Variants in DOCK7 observed in about 807,000 individuals in gnomAD.
The protein encoded by DOCK7 is dedicator of cytokinesis 7, also known as dedicator of cytokinesis protein 7.
In DOCK7, 138 loss-of-function variants were observed where a neutral mutation model predicts 271.0. The ratio of observed to expected loss-of-function variants is 0.51; its 90% CI spans 0.44 to 0.59. The LOEUF (loss-of-function observed/expected upper bound fraction) is 0.59. Ranked by LOEUF, DOCK7 falls within the 20% of genes least tolerant of loss-of-function variation. The probability of loss-of-function intolerance (pLI) is 0.00; values close to 1 mark genes in which losing one functional copy is unlikely to be tolerated. For missense variants in DOCK7, 2,066 were observed against 2,592.4 expected (o/e 0.80, Z 4.41); for synonymous variants, 823 against 876.1 (o/e 0.94, Z 1.07).
intron 14 of DOCK7, among the ~76,000 whole-genome samples, chr1:62,593,824 C>T (rs1648823349): frequency 6.6e-6 from 1 of 151,998 alleles, no homozygotes; most frequent in Admixed American, 6.6e-5. Flanking sequence ...ACAATAGGAT[C>T]TTCCTATACA....
rs138806314 is a variant in DOCK7 at position 62,601,282 on chromosome 1, T to A, written c.1683-14658A>T. 21 of 949,154 alleles carry A rather than the reference T, an allele frequency of 2.2e-5. No individual in the cohort carries two copies. The African/African-American group carries it at 3.1e-4, about 14-fold the overall frequency. 58.8% of individuals were successfully genotyped at this position (949,154 alleles called of 1,614,324 possible). A position where few individuals can be genotyped will look rare whatever the true frequency, so the allele number is the denominator to read the frequency against. ...GACTTGTTCTAGACTAAAAGATAGT[T>A]AAGAGATATCCATCAAATACAATGT... On this transcript the variant is annotated intron_variant, in intron 14 of 49. Transcript: ENST00000635253.
intron 2 of DOCK7, among the ~76,000 whole-genome samples, chr1:62,655,399 T>C (rs1289214381): frequency 6.6e-6 from 1 of 151,368 alleles, no homozygotes; most frequent in African/African-American, 2.4e-5. Context: ...CCTATGCTTC[T>C]TTGGACTGAA....
rs566071765 is a variant in DOCK7 at position 62,528,603 on chromosome 1, G to A, written c.3782-298C>T. Among the ~76,000 whole-genome samples, 6 of 152,276 alleles carry A rather than the reference G, an allele frequency of 3.9e-5. No individual in the cohort carries two copies. In the South Asian group the frequency reaches 1.2e-3, roughly 32 times the overall value. ...TACTTGAAAGACTGCTCAACAATCAGTCTCTTAAGGCAAATAGCTGGTTAT... is the reference window on the plus strand; with the variant it reads ...TACTTGAAAGACTGCTCAACAATCAATCTCTTAAGGCAAATAGCTGGTTAT... On this transcript the variant is annotated intron_variant, in intron 30 of 49. Transcript: ENST00000635253.
rs1342003197 is a variant in DOCK7 at position 62,555,914 on chromosome 1, T to C, written c.2507A>G (p.His836Arg). ...AAGGCTGTTTCTGCCATGCTGGTCA[T>C]GATTTCCTTCCAAGTTTTTGTGAAG... ...NRLHKNLEGN[H>R]DQHGRNSLLA... Residue 836 changes from histidine to arginine, a missense_variant, in exon 21 of 50, where the codon CAT becomes CGT. Coordinates refer to ENST00000635253, the MANE Select transcript of DOCK7 (RefSeq NM_001367561.1). 6.2e-7 allele frequency: 1 copy of C among 1,613,856 alleles called. No homozygotes were observed. The highest frequency in any genetic ancestry group is 8.5e-7 in the Non-Finnish European group (1 of 1,179,936).
intron 22 of DOCK7, among the ~76,000 whole-genome samples, chr1:62,549,734 TG>T (rs1645831972): frequency 6.6e-6 from 1 of 152,144 alleles, no homozygotes; most frequent in Admixed American, 6.6e-5. Context: ...CAAATCACCC[TG>T]TTGTGCTATC....
chr1:62,520,544 T>G (rs908353359), intron 31 of DOCK7, among the ~76,000 whole-genome samples: 6 of 152,020 alleles, frequency 3.9e-5, no homozygotes, highest in African/African-American at 1.5e-4. Context: ...AAAACCACAA[T>G]GAGATACCAT....
chr1:62,510,324 C>T (rs1304119116), intron 34 of DOCK7, among the ~76,000 whole-genome samples: 1 of 152,100 alleles, frequency 6.6e-6, no homozygotes, highest in Non-Finnish European at 1.5e-5. Context: ...TTGCTGAATG[C>T]ATTTTCCAAG....
chr1:62,526,671 C>A (rs1645018952), intron 31 of DOCK7, among the ~76,000 whole-genome samples: 1 of 152,088 alleles, frequency 6.6e-6, no homozygotes, highest in South Asian at 2.1e-4. Flanking sequence ...GGAAATGATA[C>A]AGCTGTTCAT....
At chr1:62,636,742 C>T (rs1571858401) in intron 7 of DOCK7, 139 bp from the exon 8 acceptor site, 1 of 632,408 alleles carries the variant, frequency 1.6e-6, no homozygotes. Context: ...AAAACTTCTT[C>T]TTGAAATACA....
chr1:62,602,811 C>G (rs906154972), intron 14 of DOCK7, among the ~76,000 whole-genome samples: 2 of 151,408 alleles, frequency 1.3e-5, no homozygotes, highest in African/African-American at 4.8e-5. Flanking sequence ...CTCAGACATA[C>G]AGTATACATT....
At chr1:62,673,533 T>C (rs74834875) in intron 1 of DOCK7, among the ~76,000 whole-genome samples, 2,640 of 152,198 alleles carry the variant, frequency 0.017, 76 homozygotes, top group African/African-American at 0.06. Context: ...TGACCTGAAA[T>C]TGGCAATTAA....
At position 62,598,107 on chromosome 1, in the gene DOCK7, A is replaced by G. The variant is rs748122377; in HGVS notation, c.1683-11483T>C. 11 of 1,486,130 alleles carry G rather than the reference A, an allele frequency of 7.4e-6. No individual in the cohort carries two copies. In the Admixed American group the frequency reaches 2.6e-4, roughly 35 times the overall value. The allele number at this position is 1,486,130 out of a possible 1,614,324, so 92.1% of individuals were successfully genotyped here. On this transcript the variant is annotated intron_variant, in intron 14 of 49. Transcript: ENST00000635253. ...GTTCATGTTTATGTTTTCAATGTGGATCTTTTAAAAAAAATATTTCTAAGG... is the reference window on the plus strand; with the variant it reads ...GTTCATGTTTATGTTTTCAATGTGGGTCTTTTAAAAAAAATATTTCTAAGG...
rs1224668006 is a variant in DOCK7 at position 62,476,103 on chromosome 1, A to G, written c.5688T>C (p.Ser1896=). The G allele has an allele frequency of 3.1e-6, 5 of 1,613,384 alleles. No homozygotes were observed. Among genetic ancestry groups the G allele is most frequent in the Non-Finnish European group, 4.2e-6 (5 of 1,179,682 alleles). ...GEDVVEVIKD[S]NPVDKCKLDP... is the part of the protein sequence containing the mutation. ...CTAATTTACACTTGTCTACAGGATT[A>G]GAGTCTTTGATTACTTCAACCACAT... The change falls in exon 45 of 50, where the codon TCT becomes TCC. Residue 1896 remains serine, a synonymous_variant. Coordinates refer to ENST00000635253, the MANE Select transcript of DOCK7 (RefSeq NM_001367561.1).
chr1:62,578,856 G>A lies in DOCK7; in HGVS notation c.1982C>T (p.Thr661Ile), dbSNP rs201498311. Reference protein sequence around the residue: ...YHVSCQQKQNTPLETPVGYTW... With the variant: ...YHVSCQQKQNIPLETPVGYTW... Reference sequence around the variant, plus strand: ...ATATCCAACTGGTGTTTCAAGAGGAGTATTTTGTTTTTGTTGACAACTAAC... The same window carrying A: ...ATATCCAACTGGTGTTTCAAGAGGAATATTTTGTTTTTGTTGACAACTAAC... Residue 661 changes from threonine (T) to isoleucine (I), a missense_variant, in exon 17 of 50, where the codon ACT becomes ATT. By Grantham distance (89) the Thr-to-Ile change is moderately conservative. Around this residue, in one of 2 missense-constraint regions of DOCK7, gnomAD observed 1,414 missense variants for 1,670.4 expected, o/e 0.85. Coordinates refer to ENST00000635253, the MANE Select transcript of DOCK7 (RefSeq NM_001367561.1). 6.2e-7 allele frequency: 1 copy of A among 1,603,036 alleles called. No homozygotes were observed. The highest frequency in any genetic ancestry group is 1.7e-5 in the Admixed American group (1 of 58,434).
intron 38 of DOCK7, 149 bp from the exon 39 acceptor site, chr1:62,495,830 G>A (rs1342727286): frequency 1.1e-5 from 6 of 568,744 alleles, no homozygotes; most frequent in African/African-American, 2.0e-5. Flanking sequence ...ATAGGTATGT[G>A]GGGATATGGT....
chr1:62,482,688 C>T (rs1281077654), intron 43 of DOCK7: 3 of 152,128 alleles, frequency 2.0e-5, no homozygotes, highest in Non-Finnish European at 4.4e-5. Context: ...ATTAGCATAA[C>T]CCCTGAACTA....
chr1:62,512,011 T>TTCAATTGTTA (rs1644501240), intron 33 of DOCK7, among the ~76,000 whole-genome samples: 1 of 152,134 alleles, frequency 6.6e-6, no homozygotes. Context: ...ACAAGAAGAC[T>TTCAATTGTTA]TCAATTGTTA....
rs571045810 is a variant in DOCK7, at chr1:62,671,795, T to C, written c.39-8665A>G. 2.0e-5 allele frequency among the ~76,000 whole-genome samples: 3 copies of C among 152,170 alleles called. No individual in the cohort carries two copies. In the South Asian group the frequency reaches 6.2e-4, roughly 31 times the overall value. ...CTCTCCTATTCTGTATGAAACTTTT[T>C]TAAAAACAATTTTTTTAACAGGATA... On this transcript the variant is annotated intron_variant, in intron 1 of 49. Transcript: ENST00000635253.
rs1209139358 is a variant in DOCK7, at chr1:62,586,627, G to A, written c.1683-3C>T. 1 of 1,559,264 alleles carries A rather than the reference G, an allele frequency of 6.4e-7. No homozygotes were observed. The highest frequency in any genetic ancestry group is 8.8e-7 in the Non-Finnish European group (1 of 1,133,114). The stretch of plus-strand genomic sequence containing the variant: ...GAGGGTATATGTAGAGAAGATTTCT[G>A]TGAAAGCAACAGTATAGATGATAGT... On this transcript the variant is annotated splice_region_variant and splice_polypyrimidine_tract_variant and intron_variant, in intron 14 of 49. Coordinates refer to ENST00000635253, the MANE Select transcript of DOCK7 (RefSeq NM_001367561.1).
Sources: gnomAD v4.1 joint callset for allele counts (sites outside exome capture counted in the v4.1 genomes callset) on GRCh38, gnomAD v4.1.1 for gene constraint, gnomAD v4.1.1 regional missense constraint, MANE v1.5 for transcripts, NCBI Gene and HGNC (gene_info 2026-07-23, HGNC 2026-07-21) for gene names.